The following CPEB3 variants were observed in gnomAD, a reference collection of about 807,000 sequenced individuals.
CPEB3 encodes cytoplasmic polyadenylation element binding protein 3.
A neutral mutation model predicts 67.2 loss-of-function variants in CPEB3; 20 were observed. The ratio of observed to expected loss-of-function variants is 0.30; its 90% CI spans 0.21 to 0.43. The LOEUF (loss-of-function observed/expected upper bound fraction) is 0.43. CPEB3 is among the 20% of genes least tolerant of loss of function. The probability of loss-of-function intolerance (pLI) is 1.00; values close to 1 mark genes in which losing one functional copy is unlikely to be tolerated. For synonymous variants in CPEB3, 376 were observed against 393.1 expected (o/e 0.96, Z 0.51); for missense variants, 746 against 968.6 (o/e 0.77, Z 3.05).
intron 2 of CPEB3, among the ~76,000 whole-genome samples, chr10:92,214,309 C>T (rs1288221484): frequency 6.6e-6 from 1 of 152,108 alleles, no homozygotes; most frequent in African/African-American, 2.4e-5. Flanking sequence ...GAGAATGCAC[C>T]AACAAGGCAC....
intron 6 of CPEB3, among the ~76,000 whole-genome samples, chr10:92,122,004 C>T (rs1227888786): frequency 1.3e-5 from 2 of 152,052 alleles, no homozygotes; most frequent in African/African-American, 4.8e-5. Context: ...TTTTTGGATT[C>T]AATTCAAGGG....
intron 9 of CPEB3, among the ~76,000 whole-genome samples, chr10:92,059,912 G>A (rs535132693): frequency 7.7e-5 from 11 of 142,148 alleles, no homozygotes; most frequent in Admixed American, 4.9e-4. Context: ...AGCCAAGATC[G>A]CGCCACTGTA....
chr10:92,053,269 C>T (rs2134251701), intron 9 of CPEB3, among the ~76,000 whole-genome samples: 1 of 152,182 alleles, frequency 6.6e-6, no homozygotes, highest in African/African-American at 2.4e-5. Flanking sequence ...AGCTGCATGA[C>T]TGAAAACCAA....
At chr10:92,174,130 G>A (rs1848123726) in intron 4 of CPEB3, among the ~76,000 whole-genome samples, 1 of 152,208 alleles carries the variant, frequency 6.6e-6, no homozygotes, top group South Asian at 2.1e-4. Context: ...ATGCCATTTG[G>A]AATTCTAGCA....
rs141004546 is a variant in CPEB3, at chr10:92,111,218, G to A, written c.1454-24C>T. 4.9e-6 allele frequency: 7 copies of A among 1,418,748 alleles called. No individual in the cohort carries two copies. The African/African-American group carries it at 8.4e-5, about 17-fold the overall frequency. The allele number at this position is 1,418,748 out of a possible 1,614,324, so 87.9% of individuals were successfully genotyped here. On this transcript the variant is annotated intron_variant, in intron 6 of 9. Transcript: ENST00000265997. ...GCCTTGGGGAGAGCAAAAACAAAAG[G>A]GTAGAGGAAGAATCAGTACATTAAA...
At position 92,113,450 on chromosome 10, in the gene CPEB3, G is replaced by A. The variant is rs1381055518; in HGVS notation, c.1454-2256C>T. 2.0e-5 allele frequency among the ~76,000 whole-genome samples: 3 copies of A among 152,196 alleles called. No homozygotes were observed. In the East Asian group the frequency reaches 5.8e-4, roughly 29 times the overall value. Reference sequence around the variant, plus strand: ...CAAATATCACAAAGAGGAGGTCTCAGCAGGTTCTTTCAAACCTCCTCTCTT... The same window carrying A: ...CAAATATCACAAAGAGGAGGTCTCAACAGGTTCTTTCAAACCTCCTCTCTT... On this transcript the variant is annotated intron_variant, in intron 6 of 9. Coordinates refer to ENST00000265997, the MANE Select transcript of CPEB3 (RefSeq NM_014912.5).
At chr10:92,291,181 GC>G (rs1322883454), upstream of CPEB3, 2 of 487,100 alleles carry the variant, frequency 4.1e-6, no homozygotes, top group African/African-American at 4.2e-5. Context: ...CACAAAGGTA[GC>G]TCCTCCGCCG....
intron 2 of CPEB3, among the ~76,000 whole-genome samples, chr10:92,221,081 G>C (rs1369750501): frequency 6.6e-6 from 1 of 152,196 alleles, no homozygotes; most frequent in African/African-American, 2.4e-5. Flanking sequence ...AGTGAATGCA[G>C]AGTAGAAATG....
chr10:92,080,098 T>TCGGGAGGCTGAGG (rs1241049013), intron 9 of CPEB3, among the ~76,000 whole-genome samples: 1 of 150,594 alleles, frequency 6.6e-6, no homozygotes, highest in East Asian at 1.9e-4. Context: ...TCCCAGTTAC[T>TCGGGAGGCTGAGG]CGGGAGGCTG....
At chr10:92,166,991 G>A (rs1163059865) in intron 4 of CPEB3, among the ~76,000 whole-genome samples, 4 of 152,186 alleles carry the variant, frequency 2.6e-5, no homozygotes, top group Non-Finnish European at 4.4e-5. Flanking sequence ...GCTTCACCTT[G>A]CACTTTTATG....
intron 6 of CPEB3, among the ~76,000 whole-genome samples, chr10:92,116,952 G>C (rs1845058519): frequency 6.6e-6 from 1 of 152,312 alleles, no homozygotes; most frequent in Admixed American, 6.5e-5. Context: ...ACCAAGGTTT[G>C]GGAAGGAACT....
intron 3 of CPEB3, among the ~76,000 whole-genome samples, chr10:92,190,303 AC>A (rs1848905260): frequency 6.6e-6 from 1 of 151,236 alleles, no homozygotes; most frequent in Admixed American, 6.6e-5. Context: ...AAATCCAGTT[AC>A]CCTGTACTTG....
intron 9 of CPEB3, among the ~76,000 whole-genome samples, chr10:92,069,699 C>T (rs533081766): frequency 1.8e-4 from 28 of 152,322 alleles, no homozygotes; most frequent in African/African-American, 6.3e-4. Context: ...GCCACTGTGC[C>T]AGCTACAATG....
At chr10:92,110,220 T>G (rs953396797) in intron 7 of CPEB3, among the ~76,000 whole-genome samples, 1 of 152,224 alleles carries the variant, frequency 6.6e-6, no homozygotes, top group Non-Finnish European at 1.5e-5. Flanking sequence ...TTTCCAGTGC[T>G]AGTCATACAA....
intron 3 of CPEB3, among the ~76,000 whole-genome samples, chr10:92,182,663 TA>T (rs1422849510): frequency 6.6e-6 from 1 of 151,876 alleles, no homozygotes; most frequent in African/African-American, 2.4e-5. Flanking sequence ...CCATCTCTAC[TA>T]AAAATACAAA....
intron 2 of CPEB3, among the ~76,000 whole-genome samples, chr10:92,222,926 C>A (rs1252576346): frequency 6.6e-6 from 1 of 152,152 alleles, no homozygotes; most frequent in South Asian, 2.1e-4. Context: ...TTTGCTAAGA[C>A]CTTATTAATG....
intron 2 of CPEB3, among the ~76,000 whole-genome samples, chr10:92,198,493 C>T (rs1488898394): frequency 6.6e-6 from 1 of 152,200 alleles, no homozygotes; most frequent in East Asian, 1.9e-4. Flanking sequence ...CATTCACCTG[C>T]CCTTTTCTTG....
chr10:92,171,199 A>T (rs1288098461), intron 4 of CPEB3, among the ~76,000 whole-genome samples: 2 of 152,220 alleles, frequency 1.3e-5, no homozygotes, highest in Non-Finnish European at 2.9e-5. Flanking sequence ...CTGCAGTAGC[A>T]TGGAGAAGCT....
At chr10:92,155,794 C>A (rs968137395) in intron 4 of CPEB3, among the ~76,000 whole-genome samples, 2 of 151,868 alleles carry the variant, frequency 1.3e-5, no homozygotes, top group African/African-American at 4.8e-5. Context: ...CAAAGAAGAT[C>A]GTGACTTTTG....
Sources: gnomAD v4.1 joint callset for allele counts (sites outside exome capture counted in the v4.1 genomes callset) on GRCh38, gnomAD v4.1.1 for gene constraint, MANE v1.5 for transcripts, NCBI Gene and HGNC (gene_info 2026-07-23, HGNC 2026-07-21) for gene names.